Variants in SPTLC3 observed in about 807,000 individuals in gnomAD.
SPTLC3 encodes the protein serine palmitoyltransferase long chain base subunit 3.
Under a neutral mutation model 59.3 loss-of-function variants are expected in SPTLC3, and 36 were observed. That is an observed-to-expected ratio of 0.61 (90% CI 0.47 to 0.80). The LOEUF is 0.80. Among genes scored for constraint, SPTLC3 ranks in the 30% least tolerant of loss-of-function variants. The pLI is 0.00. For missense variants in SPTLC3, 625 were observed against 685.1 expected (o/e 0.91, Z 0.98); for synonymous variants, 257 against 240.8 (o/e 1.07, Z -0.62).
At chr20:13,065,611 C>T (rs1295081564) in intron 2 of SPTLC3, among the ~76,000 whole-genome samples, 7 of 151,878 alleles carry the variant, frequency 4.6e-5, no homozygotes, top group Admixed American at 1.3e-4. Flanking sequence ...TATGGTTAAA[C>T]GTATTATAAT....
At chr20:13,102,490 A>G (rs917719551) in intron 6 of SPTLC3, among the ~76,000 whole-genome samples, 15 of 152,152 alleles carry the variant, frequency 9.9e-5, no homozygotes, top group Non-Finnish European at 1.5e-4. Flanking sequence ...CTGACTCCAG[A>G]GTCTCCGTTT....
intron 1 of SPTLC3, among the ~76,000 whole-genome samples, chr20:13,036,575 A>T (rs1247712297): frequency 6.6e-6 from 1 of 152,150 alleles, no homozygotes. Context: ...AAGGCTTCCC[A>T]TCAACAGTAG....
intron 1 of SPTLC3, among the ~76,000 whole-genome samples, chr20:13,012,471 C>G (rs2122354255): frequency 6.6e-6 from 1 of 152,126 alleles, no homozygotes; most frequent in East Asian, 1.9e-4. Context: ...AAGCTTATAT[C>G]AACATTAAAA....
chr20:13,160,227 T>C, intron 11 of SPTLC3, 95 bp downstream of exon 11: 1 of 1,416,280 alleles, frequency 7.1e-7, no homozygotes. Flanking sequence ...TCTGGGTTTC[T>C]CTTGGGTTAT....
intron 2 of SPTLC3, among the ~76,000 whole-genome samples, chr20:13,065,104 G>A (rs1377347592): frequency 6.6e-6 from 1 of 151,742 alleles, no homozygotes; most frequent in Non-Finnish European, 1.5e-5. Context: ...ATTTTTCATG[G>A]GTGACATGAA....
At chr20:13,140,978 TC>T (rs1348620413) in intron 9 of SPTLC3, among the ~76,000 whole-genome samples, 1 of 152,196 alleles carries the variant, frequency 6.6e-6, no homozygotes, top group Non-Finnish European at 1.5e-5. Flanking sequence ...ACCAGCCCCT[TC>T]CAGCTGTGAC....
chr20:13,044,350 C>A (rs1208412474), intron 1 of SPTLC3, among the ~76,000 whole-genome samples: 1 of 152,126 alleles, frequency 6.6e-6, no homozygotes, highest in Non-Finnish European at 1.5e-5. Flanking sequence ...GATCCACCCA[C>A]CTCGGCCTCC....
chr20:13,078,883 T>C (rs1289024777), intron 4 of SPTLC3, among the ~76,000 whole-genome samples: 1 of 152,116 alleles, frequency 6.6e-6, no homozygotes, highest in East Asian at 1.9e-4. Context: ...TTTCCTCCAC[T>C]TTACATATTT....
At chr20:13,094,968 G>A (rs535998543) in intron 6 of SPTLC3, among the ~76,000 whole-genome samples, 1 of 152,286 alleles carries the variant, frequency 6.6e-6, no homozygotes, top group East Asian at 1.9e-4. Context: ...CTTTAGACTT[G>A]GATAAGCCAA....
At chr20:13,135,261 T>C (rs2038215977) in intron 9 of SPTLC3, among the ~76,000 whole-genome samples, 1 of 152,194 alleles carries the variant, frequency 6.6e-6, no homozygotes, top group South Asian at 2.1e-4. Flanking sequence ...CTGCTAGGTG[T>C]TGATTTATCA....
intron 9 of SPTLC3, among the ~76,000 whole-genome samples, chr20:13,136,375 T>A (rs1435085072): frequency 1.3e-5 from 2 of 152,034 alleles, no homozygotes; most frequent in Non-Finnish European, 1.5e-5. Context: ...GGCAGGTGGA[T>A]CACCCGAGCT....
chr20:13,043,691 T>C (rs1367966512), intron 1 of SPTLC3, among the ~76,000 whole-genome samples: 1 of 152,218 alleles, frequency 6.6e-6, no homozygotes, highest in Non-Finnish European at 1.5e-5. Flanking sequence ...CTATTAAATA[T>C]TTTTCTAAGC....
chr20:13,023,553 A>G (rs1458923599), intron 1 of SPTLC3, among the ~76,000 whole-genome samples: 2 of 152,190 alleles, frequency 1.3e-5, no homozygotes, highest in Non-Finnish European at 2.9e-5. Flanking sequence ...TCTCTAAAAG[A>G]CTAAGAAAGC....
chr20:13,067,529 C>T (rs564074105), intron 2 of SPTLC3, among the ~76,000 whole-genome samples: 5 of 152,158 alleles, frequency 3.3e-5, no homozygotes, highest in Admixed American at 6.5e-5. Flanking sequence ...GATGGTCTTT[C>T]GAGGCATTTA....
At chr20:13,110,249 C>T (rs537592072) in intron 7 of SPTLC3, 32 bp downstream of exon 7, 3 of 1,579,080 alleles carry the variant, frequency 1.9e-6, no homozygotes, top group African/African-American at 1.4e-5. Context: ...TTTTACGACT[C>T]GGAGGCCTGC....
chr20:13,077,421 A>G (rs1380353630), intron 4 of SPTLC3, among the ~76,000 whole-genome samples: 1 of 152,046 alleles, frequency 6.6e-6, no homozygotes, highest in Non-Finnish European at 1.5e-5. Context: ...ACATATTACC[A>G]CTAGACTTCA....
chr20:13,061,452 C>T (rs1247646098), intron 2 of SPTLC3, among the ~76,000 whole-genome samples: 1 of 152,212 alleles, frequency 6.6e-6, no homozygotes, highest in Non-Finnish European at 1.5e-5. Flanking sequence ...CCTGCCACCA[C>T]GGGACAGGTG....
chr20:13,019,918 G>A (rs1018476434), intron 1 of SPTLC3, among the ~76,000 whole-genome samples: 1 of 152,144 alleles, frequency 6.6e-6, no homozygotes, highest in African/African-American at 2.4e-5. Context: ...CCTTTGAGAA[G>A]CTGTTATATA....
chr20:13,050,551 G>T (rs1013434670), intron 2 of SPTLC3: 2 of 152,148 alleles, frequency 1.3e-5, no homozygotes, highest in African/African-American at 4.8e-5. Context: ...CCTTGCTAGA[G>T]ACCTAGACAT....
Sources: gnomAD v4.1 joint callset for allele counts (sites outside exome capture counted in the v4.1 genomes callset) on GRCh38, gnomAD v4.1.1 for gene constraint, MANE v1.5 for transcripts, NCBI Gene and HGNC (gene_info 2026-07-23, HGNC 2026-07-21) for gene names.